SNTG2: variants seen among roughly 807,000 people sequenced by gnomAD.
The protein encoded by SNTG2 is syntrophin gamma 2, also known as gamma-2-syntrophin.
A neutral mutation model predicts 70.9 loss-of-function variants in SNTG2; 74 were observed. The observed-to-expected ratio is 1.04, with a 90% CI of 0.86 to 1.27. SNTG2 has a LOEUF of 1.27. Ranked by LOEUF, SNTG2 falls within the 50% of genes most tolerant of loss-of-function variation. SNTG2 has a pLI of 0.00. For synonymous variants in SNTG2, 278 were observed against 273.8 expected, an observed-to-expected ratio of 1.02 and a Z score of -0.15; for missense variants, 717 against 690.7, an observed-to-expected ratio of 1.04 and a Z score of -0.43.
chr2:1,153,082 C>T (rs1030321638), intron 6 of SNTG2, among the ~76,000 whole-genome samples: 35 of 151,496 alleles, frequency 2.3e-4, no homozygotes, highest in Non-Finnish European at 3.8e-4. Flanking sequence ...CGAGATCGCA[C>T]CATTGCACTC....
intron 6 of SNTG2, among the ~76,000 whole-genome samples, chr2:1,155,651 C>A (rs1669846139): frequency 2.0e-5 from 3 of 152,154 alleles, no homozygotes; most frequent in South Asian, 4.1e-4. Context: ...GAGACGGCCA[C>A]CTGCAAGTGC....
chr2:1,360,080 A>G (rs1661058213), intron 16 of SNTG2, among the ~76,000 whole-genome samples: 1 of 152,116 alleles, frequency 6.6e-6, no homozygotes, highest in African/African-American at 2.4e-5. Context: ...ACATTAAATG[A>G]TTGAAAGAAG....
chr2:1,243,886 C>T (rs902677877), intron 11 of SNTG2, among the ~76,000 whole-genome samples: 11 of 152,178 alleles, frequency 7.2e-5, no homozygotes, highest in African/African-American at 1.2e-4. Context: ...ATTAGCCGGG[C>T]GTGGTGGCAC....
At chr2:1,367,005 G>C (rs920611246) in intron 16 of SNTG2, among the ~76,000 whole-genome samples, 2 of 152,202 alleles carry the variant, frequency 1.3e-5, no homozygotes, top group Non-Finnish European at 2.9e-5. Flanking sequence ...CTGAGTCCTG[G>C]CCCAGATTAC....
Position 985,511 on chromosome 2 carries a change from CTGGG to C in SNTG2, c.72+34444_72+34447del, listed in dbSNP as rs1661276531. On this transcript the variant is annotated intron_variant, in intron 1 of 16. Coordinates refer to ENST00000308624, the MANE Select transcript of SNTG2 (RefSeq NM_018968.4). Reference sequence around the variant, plus strand: ...CTGCAGCTCCCCAGCTCCCCCTCTGCTGGGCCAGGCAGAGACACCCTGGGAGGAT... The same window carrying C: ...CTGCAGCTCCCCAGCTCCCCCTCTGCCCAGGCAGAGACACCCTGGGAGGAT... Among the ~76,000 whole-genome samples, 3 of 152,262 alleles carry C rather than the reference CTGGG, an allele frequency of 2.0e-5. No homozygotes were observed. The South Asian group carries it at 6.2e-4, about 32-fold the overall frequency.
At chr2:1,173,021 A>C in intron 7 of SNTG2, 71 bp from the exon 8 acceptor site, 1 of 1,373,432 alleles carries the variant, frequency 7.3e-7, no homozygotes, top group Non-Finnish European at 1.0e-6. Context: ...GTAGAACTGA[A>C]GTCACTGCAT....
At chr2:1,003,803 C>G (rs1197062254) in intron 1 of SNTG2, among the ~76,000 whole-genome samples, 1 of 152,152 alleles carries the variant, frequency 6.6e-6, no homozygotes, top group Non-Finnish European at 1.5e-5. Flanking sequence ...ATTTTGAAAT[C>G]TTTATTACTT....
At chr2:1,352,213 G>A (rs532599717) in intron 16 of SNTG2, among the ~76,000 whole-genome samples, 1 of 152,310 alleles carries the variant, frequency 6.6e-6, no homozygotes, top group Admixed American at 6.5e-5. Context: ...ATGACGAGTT[G>A]CAACCAAAGC....
chr2:955,757 G>A (rs1660119356), intron 1 of SNTG2, among the ~76,000 whole-genome samples: 1 of 152,192 alleles, frequency 6.6e-6, no homozygotes, highest in Non-Finnish European at 1.5e-5. Context: ...TTTTGAAGTG[G>A]GATACAGCTG....
intron 8 of SNTG2, among the ~76,000 whole-genome samples, chr2:1,197,505 ATGTATATATATGTG>A (rs1672988041): frequency 2.4e-5 from 2 of 82,298 alleles, no homozygotes; most frequent in East Asian, 7.2e-4. Flanking sequence ...ATATATGTGT[ATGTATATATATGTG>A]TGTGTGTGTG....
intron 1 of SNTG2, among the ~76,000 whole-genome samples, chr2:1,053,478 AC>A (rs986493069): frequency 5.6e-5 from 2 of 35,514 alleles, no homozygotes; most frequent in South Asian, 1.2e-3. Flanking sequence ...ATCCCCCCCC[AC>A]CCCCCCAGCC....
chr2:1,320,545 A>AT (rs1681474494), intron 16 of SNTG2, among the ~76,000 whole-genome samples: 1 of 150,806 alleles, frequency 6.6e-6, no homozygotes, highest in Non-Finnish European at 1.5e-5. Flanking sequence ...AAAAAAAAAA[A>AT]AAAAAAAGAA....
At chr2:1,068,374 C>A (rs1358676529) in intron 1 of SNTG2, 2 of 152,122 alleles carry the variant, frequency 1.3e-5, no homozygotes, top group African/African-American at 4.8e-5. Flanking sequence ...GTTGTAGAAA[C>A]ATGAAGCAAA....
At chr2:988,838 A>G (rs1028399642) in intron 1 of SNTG2, among the ~76,000 whole-genome samples, 1 of 152,152 alleles carries the variant, frequency 6.6e-6, no homozygotes, top group South Asian at 2.1e-4. Flanking sequence ...TCAACTGGTG[A>G]AACATGTCAA....
intron 14 of SNTG2, among the ~76,000 whole-genome samples, chr2:1,298,186 G>A (rs1470692098): frequency 6.6e-6 from 1 of 152,152 alleles, no homozygotes; most frequent in Non-Finnish European, 1.5e-5. Flanking sequence ...AGGCTGGAGT[G>A]CAGTGGCATG....
intron 8 of SNTG2, among the ~76,000 whole-genome samples, chr2:1,205,056 T>C (rs1324820293): frequency 6.6e-6 from 1 of 152,202 alleles, no homozygotes; most frequent in Non-Finnish European, 1.5e-5. Flanking sequence ...AAATGGGTGA[T>C]AAGGTTTTTT....
chr2:1,031,528 A>ATATATATATTTTTTTTTTTTTTTTT, intron 1 of SNTG2, among the ~76,000 whole-genome samples: 1 of 59,116 alleles, frequency 1.7e-5, no homozygotes, highest in Non-Finnish European at 3.1e-5. Flanking sequence ...ATATATATAT[A>ATATATATATTTTTTTTTTTTTTTTT]TTTTTTTTTT....
intron 6 of SNTG2, among the ~76,000 whole-genome samples, chr2:1,150,881 C>T (rs1271601247): frequency 1.3e-5 from 2 of 148,748 alleles, no homozygotes; most frequent in Non-Finnish European, 3.0e-5. Flanking sequence ...TGGAGCTGGG[C>T]TCCCTCCGTG....
At chr2:1,079,756 C>T (rs778817137) in intron 1 of SNTG2, among the ~76,000 whole-genome samples, 2 of 152,134 alleles carry the variant, frequency 1.3e-5, no homozygotes, top group African/African-American at 2.4e-5. Flanking sequence ...GACAATTAAC[C>T]GGTAGCAATG....
Sources: allele counts gnomAD v4.1 joint callset (sites outside exome capture counted in the v4.1 genomes callset), GRCh38; gene constraint gnomAD v4.1.1; transcripts MANE v1.5; gene names NCBI Gene and HGNC (gene_info 2026-07-23, HGNC 2026-07-21).